Variants in ITGBL1 observed in about 807,000 individuals in gnomAD.
ITGBL1 encodes integrin subunit beta like 1.
A neutral mutation model predicts 68.5 loss-of-function variants in ITGBL1; 51 were observed. The ratio of observed to expected loss-of-function variants is 0.74; its 90% confidence interval spans 0.59 to 0.94. The LOEUF (loss-of-function observed/expected upper bound fraction) is 0.94, where lower values mean the gene tolerates loss of function less well. Ranked by LOEUF, ITGBL1 falls within the 40% of genes least tolerant of loss-of-function variation. ITGBL1 has a pLI of 0.00. For synonymous variants in ITGBL1, 209 were observed against 227.3 expected, an observed-to-expected ratio of 0.92 and a Z score of 0.72; for missense variants, 649 against 647.4, an observed-to-expected ratio of 1.00 and a Z score of -0.03.
intron 7 of ITGBL1, among the ~76,000 whole-genome samples, chr13:101,631,267 G>T (rs2031968676): frequency 6.6e-6 from 1 of 152,028 alleles, no homozygotes; most frequent in African/African-American, 2.4e-5. Context: ...TTCTTTCACT[G>T]CTATGATTAT....
Position 101,646,796 on chromosome 13 carries a change from T to G in ITGBL1, c.1016-45789T>G, listed in dbSNP as rs184574507. ...AAAACAAAACAAAAAGGAAAAAACT[T>G]TTCAAAGGACAGTGAAAGACATGAG... On this transcript the variant is annotated intron_variant, in intron 7 of 10. Coordinates refer to ENST00000376180, the MANE Select transcript of ITGBL1 (RefSeq NM_004791.3). 1.4e-3 allele frequency among the ~76,000 whole-genome samples: 211 copies of G among 152,202 alleles called. 1 individual carries two copies. The highest frequency in any genetic ancestry group is 4.5e-3 in the African/African-American group (187 of 41,538).
At chr13:101,642,378 C>T (rs922769225) in intron 7 of ITGBL1, among the ~76,000 whole-genome samples, 2 of 152,142 alleles carry the variant, frequency 1.3e-5, no homozygotes, top group African/African-American at 2.4e-5. Context: ...GAAGTGTCTG[C>T]TCATGTCCTT....
At chr13:101,562,918 A>G (rs1418784334) in intron 2 of ITGBL1, among the ~76,000 whole-genome samples, 1 of 151,796 alleles carries the variant, frequency 6.6e-6, no homozygotes, top group African/African-American at 2.4e-5. Flanking sequence ...GCCTTCAGAA[A>G]TTTAAAAGAA....
intron 2 of ITGBL1, among the ~76,000 whole-genome samples, chr13:101,533,999 T>C (rs983128525): frequency 6.6e-6 from 1 of 152,064 alleles, no homozygotes; most frequent in African/African-American, 2.4e-5. Context: ...GAAGAAATAA[T>C]CAGAGATAGA....
At chr13:101,605,227 T>G (rs1594923401) in intron 7 of ITGBL1, among the ~76,000 whole-genome samples, 1 of 125,248 alleles carries the variant, frequency 8.0e-6, no homozygotes, top group East Asian at 2.9e-4. Context: ...CATATAGACA[T>G]AGGCATGTGT....
At chr13:101,694,446 CAG>C (rs1323205426) in intron 8 of ITGBL1, among the ~76,000 whole-genome samples, 2 of 151,722 alleles carry the variant, frequency 1.3e-5, no homozygotes, top group African/African-American at 4.8e-5. Context: ...CTTTTTGAGA[CAG>C]AGTCTCACTC....
At chr13:101,664,010 G>A (rs2033151241) in intron 7 of ITGBL1, among the ~76,000 whole-genome samples, 1 of 152,154 alleles carries the variant, frequency 6.6e-6, no homozygotes, top group South Asian at 2.1e-4. Flanking sequence ...GAGGTCAGCA[G>A]ATATAAAGTA....
chr13:101,609,534 T>C (rs1168529827), intron 7 of ITGBL1, among the ~76,000 whole-genome samples: 1 of 152,160 alleles, frequency 6.6e-6, no homozygotes, highest in Non-Finnish European at 1.5e-5. Flanking sequence ...CCTTGTTAAA[T>C]AGAAGAGACG....
chr13:101,563,310 T>C (rs1394582290), intron 2 of ITGBL1, among the ~76,000 whole-genome samples: 1 of 149,982 alleles, frequency 6.7e-6, no homozygotes, highest in South Asian at 2.1e-4. Context: ...GAGAAAAAAA[T>C]AGTGAAATTG....
At chr13:101,602,925 AATAAT>A (rs1355031762) in intron 7 of ITGBL1, among the ~76,000 whole-genome samples, 4 of 152,030 alleles carry the variant, frequency 2.6e-5, no homozygotes, top group Non-Finnish European at 5.9e-5. Flanking sequence ...TTTATGGCTG[AATAAT>A]ATCCTGTTGT....
intron 7 of ITGBL1, among the ~76,000 whole-genome samples, chr13:101,686,073 G>A (rs73558037): frequency 0.022 from 3,396 of 152,144 alleles, 143 homozygotes; most frequent in African/African-American, 0.076. Context: ...TAAGAGAACA[G>A]CAGCAAACTT....
chr13:101,592,206 T>A (rs2050666843), intron 6 of ITGBL1, among the ~76,000 whole-genome samples: 1 of 152,142 alleles, frequency 6.6e-6, no homozygotes, highest in Non-Finnish European at 1.5e-5. Context: ...TAATATCTTT[T>A]CTGACTTCTT....
At chr13:101,602,550 G>A (rs2030447464) in intron 7 of ITGBL1, among the ~76,000 whole-genome samples, 1 of 151,854 alleles carries the variant, frequency 6.6e-6, no homozygotes, top group African/African-American at 2.4e-5. Flanking sequence ...ATTTTATGTT[G>A]CGTTTTTCTT....
At chr13:101,560,440 A>G (rs548632688) in intron 2 of ITGBL1, among the ~76,000 whole-genome samples, 8 of 152,310 alleles carry the variant, frequency 5.3e-5, no homozygotes, top group South Asian at 4.1e-4. Flanking sequence ...TATCAGATGC[A>G]CAGAGAGAAT....
intron 7 of ITGBL1, among the ~76,000 whole-genome samples, chr13:101,675,444 G>C (rs866940043): frequency 2.0e-5 from 3 of 152,098 alleles, no homozygotes; most frequent in Admixed American, 2.0e-4. Context: ...CCAAGACAAA[G>C]ATTTAAGTAA....
intron 8 of ITGBL1, among the ~76,000 whole-genome samples, chr13:101,696,895 G>C (rs2034015990): frequency 6.6e-6 from 1 of 152,136 alleles, no homozygotes; most frequent in South Asian, 2.1e-4. Context: ...TCAAGTTGAG[G>C]TGAGGATGTG....
Position 101,536,451 on chromosome 13 carries a change from A to G in ITGBL1, c.317-31248A>G, listed in dbSNP as rs769372049. On this transcript the variant is annotated intron_variant, in intron 2 of 10. Transcript: ENST00000376180. ...TGAGGGCACGCATTTTCTTGAAAGC[A>G]TTATTGAGAAGAGGCAAAATTGAGA... Among the ~76,000 whole-genome samples the G allele has an allele frequency of 3.9e-5, 6 of 152,058 alleles. No individual in the cohort carries two copies. The South Asian group carries it at 8.3e-4, about 21-fold the overall frequency.
intron 7 of ITGBL1, among the ~76,000 whole-genome samples, chr13:101,621,791 C>T (rs1172200703): frequency 6.6e-6 from 1 of 152,046 alleles, no homozygotes; most frequent in Non-Finnish European, 1.5e-5. Context: ...GGGAATGAGA[C>T]TGTTGGCAAT....
intron 2 of ITGBL1, among the ~76,000 whole-genome samples, chr13:101,464,924 T>G (rs2048363605): frequency 6.6e-6 from 1 of 152,226 alleles, no homozygotes; most frequent in Admixed American, 6.5e-5. Flanking sequence ...TAAAGGTTGC[T>G]TGGGATTGAT....
Sources: allele counts gnomAD v4.1 joint callset (sites outside exome capture counted in the v4.1 genomes callset), GRCh38; gene constraint gnomAD v4.1.1; transcripts MANE v1.5; gene names NCBI Gene and HGNC (gene_info 2026-07-23, HGNC 2026-07-21).